The following SYNE3 variants were observed in gnomAD, a reference collection of about 807,000 sequenced individuals.
SYNE3 encodes spectrin repeat containing nuclear envelope family member 3.
A neutral mutation model predicts 111.2 loss-of-function variants in SYNE3; 100 were observed. The ratio of observed to expected loss-of-function variants is 0.90; its 90% CI spans 0.77 to 1.06. SYNE3 has a LOEUF of 1.06. Ranked by LOEUF, SYNE3 falls within the 50% of genes least tolerant of loss-of-function variation. The pLI, the probability that SYNE3 is intolerant of heterozygous loss-of-function variation, is 0.00. For missense variants in SYNE3, 1,160 were observed against 1,240.3 expected (o/e 0.94, Z 0.97); for synonymous variants, 547 against 533.9 (o/e 1.02, Z -0.34).
intron 1 of SYNE3, among the ~76,000 whole-genome samples, chr14:95,515,625 G>A (rs1890891171): frequency 3.3e-5 from 5 of 152,164 alleles, no homozygotes; most frequent in Admixed American, 3.3e-4. Context: ...TGTGGGATGG[G>A]GCATGCCCCC....
At chr14:95,462,220 C>T (rs1252125559) in intron 4 of SYNE3, among the ~76,000 whole-genome samples, 1 of 152,182 alleles carries the variant, frequency 6.6e-6, no homozygotes, top group Non-Finnish European at 1.5e-5. Flanking sequence ...CCCCTCCCCA[C>T]CTACCCCTCA....
At chr14:95,431,447 C>T (rs1175109270) in intron 17 of SYNE3, among the ~76,000 whole-genome samples, 1 of 152,238 alleles carries the variant, frequency 6.6e-6, no homozygotes, top group African/African-American at 2.4e-5. Context: ...AGCACAGTTC[C>T]TGGCACACAC....
At chr14:95,484,810 A>C (rs1036246850) in intron 1 of SYNE3, among the ~76,000 whole-genome samples, 3 of 152,352 alleles carry the variant, frequency 2.0e-5, no homozygotes, top group South Asian at 4.1e-4. Context: ...GATGTGTTGC[A>C]TATGTATAAA....
At chr14:95,444,403 G>C in intron 10 of SYNE3, 82 bp downstream of exon 10, 2 of 1,485,590 alleles carry the variant, frequency 1.3e-6, no homozygotes, top group Non-Finnish European at 1.8e-6. Flanking sequence ...TTGCTTTGCT[G>C]GTTACTGCTA....
chr14:95,482,407 C>T (rs139537069), intron 1 of SYNE3, among the ~76,000 whole-genome samples: 19 of 152,310 alleles, frequency 1.2e-4, no homozygotes, highest in African/African-American at 3.8e-4. Flanking sequence ...GCACTCCAGC[C>T]TGGGTGACAG....
chr14:95,420,053 A>G (rs1199712855), intron 17 of SYNE3, among the ~76,000 whole-genome samples: 1 of 151,430 alleles, frequency 6.6e-6, no homozygotes, highest in Non-Finnish European at 1.5e-5. Context: ...TCCCCTCCAG[A>G]TGATAACGCT....
At chr14:95,447,988 C>A (rs1218860801) in intron 8 of SYNE3, among the ~76,000 whole-genome samples, 1 of 152,118 alleles carries the variant, frequency 6.6e-6, no homozygotes, top group Non-Finnish European at 1.5e-5. Flanking sequence ...GTGGATACAC[C>A]GAATTATGTC....
chr14:95,499,019 G>T (rs1304788250), intron 1 of SYNE3, among the ~76,000 whole-genome samples: 4 of 152,188 alleles, frequency 2.6e-5, no homozygotes. Context: ...AAACGGCAGG[G>T]TTCATTTCAA....
Position 95,419,492 on chromosome 14 carries a change from T to G in SYNE3, c.2728-1466A>C, listed in dbSNP as rs1320405999. Among the ~76,000 whole-genome samples the G allele has an allele frequency of 2.6e-5, 4 of 152,132 alleles. No homozygotes were observed. In the South Asian group the frequency reaches 8.3e-4, roughly 32 times the overall value. Reference sequence around the variant, plus strand: ...CACTATTAGTAACTGTTAGTGACATTCATCACTATTAATATTAGTAATCAT... The same window carrying G: ...CACTATTAGTAACTGTTAGTGACATGCATCACTATTAATATTAGTAATCAT... On this transcript the variant is annotated intron_variant, in intron 17 of 17. Transcript: ENST00000682763.
intron 15 of SYNE3, among the ~76,000 whole-genome samples, chr14:95,435,526 A>C (rs1428357522): frequency 6.6e-6 from 1 of 152,200 alleles, no homozygotes; most frequent in African/African-American, 2.4e-5. Flanking sequence ...TCACAGTAGG[A>C]GAGGAGAAAG....
rs1482198399 is a variant in SYNE3, at chr14:95,494,442, G to GCCAGCTTTT, written c.-14-18608_-14-18607insAAAAGCTGG. On this transcript the variant is annotated intron_variant, in intron 1 of 17. Transcript: ENST00000682763. ...GGATGGACTGGCGAGACCAAAAGCT[G>GCCAGCTTTT]GGAGATGGGGAAGTGCAAGGCCAAG... Among the ~76,000 whole-genome samples the GCCAGCTTTT allele has an allele frequency of 2.0e-5, 3 of 152,320 alleles. No homozygotes were observed. In the East Asian group the frequency reaches 5.8e-4, roughly 29 times the overall value.
chr14:95,509,303 G>A (rs891378848), intron 1 of SYNE3, among the ~76,000 whole-genome samples: 1 of 152,158 alleles, frequency 6.6e-6, no homozygotes, highest in African/African-American at 2.4e-5. Context: ...GAAAGGCCAC[G>A]ATGAGCTAGG....
rs146407791 is a variant in SYNE3 at position 95,439,040 on chromosome 14, C to T, written c.2369G>A (p.Arg790His). The T allele has an allele frequency of 3.4e-5, 55 of 1,614,154 alleles. No homozygotes were observed. Among genetic ancestry groups the T allele is most frequent in the African/African-American group, 1.9e-4 (14 of 75,070 alleles). The change falls in exon 14 of 18, where the codon CGT (arginine) becomes CAT (histidine). Residue 790 changes from arginine to histidine, a missense_variant. Physicochemically the swap from Arg to His is conservative, Grantham distance 29. Transcript: ENST00000682763. ...CCTGCTAGACAGACTCACGCGTCGACGATGCCTGGGAATAGGATCCATGGG... is the reference window on the plus strand; with the variant it reads ...CCTGCTAGACAGACTCACGCGTCGATGATGCCTGGGAATAGGATCCATGGG... ...INPMDPIPRH[R>H]RRANLLQEEE...
intron 11 of SYNE3, among the ~76,000 whole-genome samples, chr14:95,441,054 C>A (rs1595193550): frequency 6.6e-6 from 1 of 152,274 alleles, no homozygotes; most frequent in East Asian, 1.9e-4. Context: ...AGCCTGAGAC[C>A]CTTGGAGCTT....
intron 1 of SYNE3, among the ~76,000 whole-genome samples, chr14:95,486,336 T>C (rs544767633): frequency 1.3e-3 from 195 of 152,090 alleles, no homozygotes; most frequent in Non-Finnish European, 2.2e-3. Context: ...CTTGACAACA[T>C]GGCACTGACA....
intron 1 of SYNE3, among the ~76,000 whole-genome samples, chr14:95,484,875 G>T (rs2139548509): frequency 6.6e-6 from 1 of 152,312 alleles, no homozygotes; most frequent in South Asian, 2.1e-4. Context: ...AATCCTTTGA[G>T]GAACGGTGGA....
rs780151042 is a variant in SYNE3, at chr14:95,470,742, G to A, written c.145-2775C>T. Reference sequence around the variant, plus strand: ...TGGGAGGCCGAGGCGGACAGATCACGAGGTCAGGAGTTTGAGGCCATCCTG... The same window carrying A: ...TGGGAGGCCGAGGCGGACAGATCACAAGGTCAGGAGTTTGAGGCCATCCTG... On this transcript the variant is annotated intron_variant, in intron 2 of 17. Transcript: ENST00000682763. The surrounding 1 kb of genome is among the most constrained non-coding windows in gnomAD (Gnocchi z 4.2). 1.3e-5 allele frequency among the ~76,000 whole-genome samples: 2 copies of A among 152,130 alleles called. No individual in the cohort carries two copies. The highest frequency in any genetic ancestry group is 2.9e-5 in the Non-Finnish European group (2 of 68,030).
At position 95,408,977 on chromosome 14, in the gene SYNE3, T is replaced by C; in HGVS notation, c.*8849A>G. ...CCTCATCCTGGTGTTGCCAGCTCCCTTCAGCGGTGGGAGTCAACGGACTTC... is the reference window on the plus strand; with the variant it reads ...CCTCATCCTGGTGTTGCCAGCTCCCCTCAGCGGTGGGAGTCAACGGACTTC... On this transcript the variant is annotated 3_prime_UTR_variant, in exon 18 of 18. Transcript: ENST00000682763. The C allele has an allele frequency of 2.7e-6, 1 of 367,456 alleles. No homozygotes were observed. The highest frequency in any genetic ancestry group is 5.4e-6 in the Non-Finnish European group (1 of 184,688). 22.8% of individuals were successfully genotyped at this position (367,456 alleles called of 1,614,324 possible). A position where few individuals can be genotyped will look rare whatever the true frequency, so the allele number is the denominator to read the frequency against.
At chr14:95,489,432 C>A (rs1889728033) in intron 1 of SYNE3, among the ~76,000 whole-genome samples, 1 of 152,224 alleles carries the variant, frequency 6.6e-6, no homozygotes, top group South Asian at 2.1e-4. Context: ...AACTCTGAGC[C>A]TTTTGTTCTC....
Sources: gnomAD v4.1 joint callset for allele counts (sites outside exome capture counted in the v4.1 genomes callset) on GRCh38, gnomAD v4.1.1 for gene constraint, Gnocchi (gnomAD v3.1) non-coding constraint, MANE v1.5 for transcripts, NCBI Gene and HGNC (gene_info 2026-07-23, HGNC 2026-07-21) for gene names.